The following ABLIM2 variants were observed in gnomAD, a reference collection of about 807,000 sequenced individuals.
The protein encoded by ABLIM2 is actin binding LIM protein family member 2.
In ABLIM2, 53 loss-of-function variants were observed where a neutral mutation model predicts 97.7. The ratio of observed to expected loss-of-function variants is 0.54; its 90% CI spans 0.44 to 0.68. The LOEUF (loss-of-function observed/expected upper bound fraction) is 0.68, where lower values mean the gene tolerates loss of function less well. ABLIM2 is among the 30% of genes least tolerant of loss of function. The pLI is 0.00. For synonymous variants in ABLIM2, 361 were observed against 345.8 expected (o/e 1.04, Z -0.49); for missense variants, 835 against 867.2 (o/e 0.96, Z 0.47).
chr4:8,026,109 C>G (rs1363641851), intron 12 of ABLIM2, among the ~76,000 whole-genome samples: 2 of 152,196 alleles, frequency 1.3e-5, no homozygotes, highest in African/African-American at 4.8e-5. Flanking sequence ...CTGGCCGAAG[C>G]AATCCTCCTG....
intron 1 of ABLIM2, among the ~76,000 whole-genome samples, chr4:8,114,054 G>C (rs1841601801): frequency 6.6e-6 from 1 of 152,242 alleles, no homozygotes; most frequent in Non-Finnish European, 1.5e-5. Flanking sequence ...ACAGTGCTCA[G>C]CTCACCTTCA....
At chr4:8,070,883 G>C (rs1024836459) in intron 6 of ABLIM2, among the ~76,000 whole-genome samples, 1 of 152,126 alleles carries the variant, frequency 6.6e-6, no homozygotes, top group Non-Finnish European at 1.5e-5. Context: ...CGGGGAGACG[G>C]CCCCTGCACA....
intron 1 of ABLIM2, among the ~76,000 whole-genome samples, chr4:8,143,095 T>C (rs562231372): frequency 8.0e-4 from 111 of 138,746 alleles, no homozygotes; most frequent in African/African-American, 2.5e-3. Context: ...CCTTCCTTCA[T>C]GGCTAAACGT....
At chr4:7,991,569 C>T (rs1748752757) in intron 17 of ABLIM2, among the ~76,000 whole-genome samples, 1 of 152,226 alleles carries the variant, frequency 6.6e-6, no homozygotes, top group African/African-American at 2.4e-5. Flanking sequence ...GACATTGGTC[C>T]AGCTCTCTTA....
intron 9 of ABLIM2, among the ~76,000 whole-genome samples, chr4:8,036,764 C>A (rs1337874976): frequency 6.6e-6 from 1 of 152,192 alleles, no homozygotes; most frequent in South Asian, 2.1e-4. Context: ...GGCATGGGGT[C>A]TGGCAGGCAG....
intron 2 of ABLIM2, among the ~76,000 whole-genome samples, chr4:8,103,679 C>T (rs867565835): frequency 2.0e-5 from 3 of 152,208 alleles, no homozygotes; most frequent in Non-Finnish European, 1.5e-5. Context: ...CATCGCCTGT[C>T]GCTGGCGAGG....
chr4:8,110,827 G>C (rs573880211), intron 1 of ABLIM2, among the ~76,000 whole-genome samples: 1 of 152,220 alleles, frequency 6.6e-6, no homozygotes, highest in African/African-American at 2.4e-5. Context: ...CCGTGGGGAC[G>C]CCGCTGCCTC....
chr4:8,093,243 G>A (rs996377860), intron 3 of ABLIM2, among the ~76,000 whole-genome samples: 8 of 152,238 alleles, frequency 5.3e-5, no homozygotes, highest in South Asian at 4.2e-4. Flanking sequence ...GTAGAGCAGC[G>A]CTTCATCAGA....
At chr4:8,108,546 C>G (rs553028601) in intron 1 of ABLIM2, among the ~76,000 whole-genome samples, 1 of 152,378 alleles carries the variant, frequency 6.6e-6, no homozygotes, top group Admixed American at 6.5e-5. Context: ...AACAATAACT[C>G]GGTCCCACAT....
rs1416934553 is a variant in ABLIM2, at chr4:8,068,871, T to G, written c.676-7817A>C. On this transcript the variant is annotated intron_variant, in intron 6 of 20. Coordinates refer to ENST00000447017, the MANE Select transcript of ABLIM2 (RefSeq NM_001130083.2). This position sits in a 1 kb window ranked among gnomAD's most constrained non-coding sequence, Gnocchi z 4.5. ...GTCTTAAAAGACCTAATCACCATGATGCACAAACAAAATGAAATTTACAAA... is the reference window on the plus strand; with the variant it reads ...GTCTTAAAAGACCTAATCACCATGAGGCACAAACAAAATGAAATTTACAAA... Among the ~76,000 whole-genome samples the G allele has an allele frequency of 6.6e-6, 1 of 152,264 alleles. No individual in the cohort carries two copies.
At chr4:8,115,412 C>T (rs1453971577) in intron 1 of ABLIM2, among the ~76,000 whole-genome samples, 1 of 152,202 alleles carries the variant, frequency 6.6e-6, no homozygotes, top group Non-Finnish European at 1.5e-5. Context: ...TCTGTAGGGC[C>T]AGTGGGCTCC....
At position 7,970,830 on chromosome 4, in the gene ABLIM2, G is replaced by A. The variant is rs555835368; in HGVS notation, c.1825-3727C>T. ...GTTGGGCAGACCACAGCAACAGGGAGGGGCCGGGGGTGTCCCGAGCATGTG... is the reference window on the plus strand; with the variant it reads ...GTTGGGCAGACCACAGCAACAGGGAAGGGCCGGGGGTGTCCCGAGCATGTG... On this transcript the variant is annotated intron_variant, in intron 20 of 20. Coordinates refer to ENST00000447017, the MANE Select transcript of ABLIM2 (RefSeq NM_001130083.2). The surrounding 1 kb of genome is among the most constrained non-coding windows in gnomAD (Gnocchi z 5.3). Among the ~76,000 whole-genome samples, 1 of 152,170 alleles carries A rather than the reference G, an allele frequency of 6.6e-6. No homozygotes were observed. Among genetic ancestry groups the A allele is most frequent in the South Asian group, 2.1e-4 (1 of 4,828 alleles).
Position 8,122,001 on chromosome 4 carries a change from G to T in ABLIM2, c.11-15364C>A, listed in dbSNP as rs776672179. 6.6e-6 allele frequency among the ~76,000 whole-genome samples: 1 copy of T among 152,190 alleles called. No homozygotes were observed. The highest frequency in any genetic ancestry group is 1.5e-5 in the Non-Finnish European group (1 of 68,034). On this transcript the variant is annotated intron_variant, in intron 1 of 20. Transcript: ENST00000447017. This position sits in a 1 kb window ranked among gnomAD's most constrained non-coding sequence, Gnocchi z 4.1. ...CTCCCTCTCTGGGAGGAGCTGAGGG[G>T]CTGAGCTAGTCCCACCAGGGACCCC...
chr4:8,025,809 C>T (rs1034052826), intron 12 of ABLIM2, among the ~76,000 whole-genome samples: 8 of 152,096 alleles, frequency 5.3e-5, no homozygotes, highest in African/African-American at 1.2e-4. Context: ...GGAGGAGAGC[C>T]GGGTGTCCAG....
chr4:8,042,580 C>A (rs777139509), intron 9 of ABLIM2, among the ~76,000 whole-genome samples: 21 of 152,202 alleles, frequency 1.4e-4, no homozygotes, highest in Non-Finnish European at 2.8e-4. Context: ...GCGGCTCACG[C>A]CTGTAACCCC....
chr4:8,089,019 C>T (rs1169836008), intron 3 of ABLIM2, among the ~76,000 whole-genome samples: 3 of 152,318 alleles, frequency 2.0e-5, no homozygotes, highest in South Asian at 4.1e-4. Flanking sequence ...AAAATTCTGC[C>T]ATTTTGCTCT....
chr4:8,103,673 G>A (rs966604914), intron 2 of ABLIM2, among the ~76,000 whole-genome samples: 5 of 152,222 alleles, frequency 3.3e-5, no homozygotes, highest in East Asian at 1.9e-4. Flanking sequence ...TCATCCCATC[G>A]CCTGTCGCTG....
rs1470446628 is a variant in ABLIM2 at position 7,996,203 on chromosome 4, C to T, written c.1619-3276G>A. 6.6e-6 allele frequency among the ~76,000 whole-genome samples: 1 copy of T among 152,232 alleles called. No individual in the cohort carries two copies. Among genetic ancestry groups the T allele is most frequent in the Admixed American group, 6.5e-5 (1 of 15,288 alleles). On this transcript the variant is annotated intron_variant, in intron 16 of 20. Coordinates refer to ENST00000447017, the MANE Select transcript of ABLIM2 (RefSeq NM_001130083.2). This position sits in a 1 kb window ranked among gnomAD's most constrained non-coding sequence, Gnocchi z 4.5. ...CGTCAGAAATGCAAATTAGTGGGCC[C>T]TACCCTAGACCTCCTGTGTCAGAAT...
chr4:8,152,919 T>C (rs994195061), intron 1 of ABLIM2, among the ~76,000 whole-genome samples: 2 of 152,072 alleles, frequency 1.3e-5, no homozygotes, highest in Admixed American at 1.3e-4. Flanking sequence ...CAGGGCTGGG[T>C]GTGAGCCTGA....
Sources: gnomAD v4.1 joint callset for allele counts (sites outside exome capture counted in the v4.1 genomes callset) on GRCh38, gnomAD v4.1.1 for gene constraint, Gnocchi (gnomAD v3.1) non-coding constraint, MANE v1.5 for transcripts, NCBI Gene and HGNC (gene_info 2026-07-23, HGNC 2026-07-21) for gene names.